The following SLCO3A1 variants were observed in gnomAD, a reference collection of about 807,000 sequenced individuals.
SLCO3A1 encodes solute carrier organic anion transporter family member 3A1.
In SLCO3A1, 27 loss-of-function variants were observed where a neutral mutation model predicts 63.1. The observed-to-expected ratio is 0.43, with a 90% CI of 0.32 to 0.59. The LOEUF (loss-of-function observed/expected upper bound fraction) is 0.59. Ranked by LOEUF, SLCO3A1 falls within the 20% of genes least tolerant of loss-of-function variation. SLCO3A1 has a pLI of 0.09. For missense variants in SLCO3A1, 773 were observed against 945.8 expected (o/e 0.82, Z 2.40); for synonymous variants, 473 against 409.9 (o/e 1.15, Z -1.86).
chr15:92,006,974 T>A (rs886314357), intron 2 of SLCO3A1, among the ~76,000 whole-genome samples: 1 of 152,242 alleles, frequency 6.6e-6, no homozygotes, highest in African/African-American at 2.4e-5. Flanking sequence ...GGCTCGTTAA[T>A]TGATAGTTTG....
intron 1 of SLCO3A1, among the ~76,000 whole-genome samples, chr15:91,867,693 C>A (rs1047465514): frequency 1.3e-5 from 2 of 152,150 alleles, no homozygotes; most frequent in Non-Finnish European, 2.9e-5. Flanking sequence ...CTCCTGTTCT[C>A]CTTGGGAAGA....
intron 2 of SLCO3A1, among the ~76,000 whole-genome samples, chr15:92,053,692 G>GTT (rs1491517930): frequency 0.026 from 754 of 28,908 alleles, 8 homozygotes; most frequent in African/African-American, 0.05. Flanking sequence ...TTGTTTGTTT[G>GTT]TTTGTTTTTT....
At chr15:92,160,344 G>A (rs1027943096) in intron 9 of SLCO3A1, among the ~76,000 whole-genome samples, 5 of 151,972 alleles carry the variant, frequency 3.3e-5, no homozygotes, top group Admixed American at 2.0e-4. Context: ...TCTATTATGC[G>A]GTTGCCATGG....
At chr15:92,170,480 G>A (rs9744294), downstream of SLCO3A1, among the ~76,000 whole-genome samples, 10 of 152,068 alleles carry the variant, frequency 6.6e-5, no homozygotes, top group East Asian at 3.9e-4. Context: ...AAATCCAACC[G>A]TTCTAAGATC....
intron 8 of SLCO3A1, among the ~76,000 whole-genome samples, 157 bp from the exon 9 acceptor site, chr15:92,150,789 GAAAA>G: frequency 7.3e-6 from 1 of 136,216 alleles, no homozygotes; most frequent in South Asian, 2.4e-4. Context: ...ACTTTAGGCA[GAAAA>G]AAAAAAAGAC....
intron 2 of SLCO3A1, among the ~76,000 whole-genome samples, chr15:91,958,367 C>T (rs1430068444): frequency 6.6e-6 from 1 of 152,160 alleles, no homozygotes; most frequent in African/African-American, 2.4e-5. Context: ...GTCTGGATCC[C>T]ACACTCACTC....
intron 2 of SLCO3A1, among the ~76,000 whole-genome samples, chr15:91,932,473 T>C (rs113446711): frequency 0.014 from 2,139 of 151,900 alleles, 48 homozygotes; most frequent in African/African-American, 0.048. Flanking sequence ...TGAGACAGGG[T>C]CTTGCTCTAT....
chr15:91,880,130 C>T (rs1178386841), intron 1 of SLCO3A1, among the ~76,000 whole-genome samples: 1 of 117,980 alleles, frequency 8.5e-6, no homozygotes, highest in Non-Finnish European at 1.7e-5. Context: ...TCCGTCCGTC[C>T]GTCCATCCAT....
chr15:92,091,897 C>CCAAA (rs2047482111), intron 2 of SLCO3A1, among the ~76,000 whole-genome samples: 1 of 152,228 alleles, frequency 6.6e-6, no homozygotes, highest in African/African-American at 2.4e-5. Context: ...AAGCCACAAT[C>CCAAA]CAAACTCTGG....
At chr15:92,011,485 AAAG>A (rs56011119) in intron 2 of SLCO3A1, among the ~76,000 whole-genome samples, 6,407 of 150,604 alleles carry the variant, frequency 0.043, 211 homozygotes, top group Non-Finnish European at 0.06. Flanking sequence ...AGTTTTAAAA[AAAG>A]ATAAAAATTT....
chr15:92,090,520 A>G (rs2047459397), intron 2 of SLCO3A1, among the ~76,000 whole-genome samples: 1 of 152,190 alleles, frequency 6.6e-6, no homozygotes, highest in African/African-American at 2.4e-5. Context: ...TCGGGCTGGC[A>G]ACCCAGTGTG....
intron 2 of SLCO3A1, among the ~76,000 whole-genome samples, chr15:92,089,008 A>ATTTT (rs563822068): frequency 0.12 from 10,555 of 90,504 alleles, 896 homozygotes; most frequent in East Asian, 0.33. Flanking sequence ...TTATTTATTT[A>ATTTT]TTATTTATTT....
chr15:91,979,955 G>GCT (rs1354346272), intron 2 of SLCO3A1, among the ~76,000 whole-genome samples: 4 of 152,182 alleles, frequency 2.6e-5, no homozygotes, highest in Admixed American at 6.5e-5. Context: ...TTGCCACTGA[G>GCT]CTTCACTTAA....
At chr15:91,970,426 T>C (rs1900816719) in intron 2 of SLCO3A1, among the ~76,000 whole-genome samples, 1 of 152,094 alleles carries the variant, frequency 6.6e-6, no homozygotes, top group Non-Finnish European at 1.5e-5. Context: ...GGGAGGTGCC[T>C]TTGGGGTGGG....
rs561697655 is a variant in SLCO3A1 at position 91,882,122 on chromosome 15, G to A, written c.180+28034G>A. 5.9e-5 allele frequency among the ~76,000 whole-genome samples: 9 copies of A among 152,252 alleles called. No individual in the cohort carries two copies. In the East Asian group the frequency reaches 1.7e-3, roughly 29 times the overall value. On this transcript the variant is annotated intron_variant, in intron 1 of 9. Transcript: ENST00000318445. The surrounding 1 kb of genome is among the most constrained non-coding windows in gnomAD (Gnocchi z 4.4). ...CCTAGAAGGGAAGCAGTGCATTCCA[G>A]GATCAGGCAGTATAAACAGTGCTTA...
In SLCO3A1 at chr15:92,033,432, C is replaced by T. The variant is rs577195622; in HGVS notation, c.647-61449C>T. Among the ~76,000 whole-genome samples the T allele has an allele frequency of 6.6e-6, 1 of 152,296 alleles. No individual in the cohort carries two copies. The highest frequency in any genetic ancestry group is 2.1e-4 in the South Asian group (1 of 4,826). The stretch of plus-strand genomic sequence containing the variant: ...TAGTGGAGAAGTAACGATGTTCACG[C>T]TTGGGCAGCTGGATGGACACGTCGT... On this transcript the variant is annotated intron_variant, in intron 2 of 9. Coordinates refer to ENST00000318445, the MANE Select transcript of SLCO3A1 (RefSeq NM_013272.4). The surrounding 1 kb of genome is among the most constrained non-coding windows in gnomAD (Gnocchi z 4.5).
chr15:92,158,397 A>G (rs2048397765), intron 9 of SLCO3A1, among the ~76,000 whole-genome samples: 1 of 152,232 alleles, frequency 6.6e-6, no homozygotes, highest in African/African-American at 2.4e-5. Context: ...TGGGTTTGGA[A>G]TTTTGAAATA....
chr15:91,881,941 G>T (rs1897599648), intron 1 of SLCO3A1, among the ~76,000 whole-genome samples: 1 of 152,004 alleles, frequency 6.6e-6, no homozygotes, highest in Non-Finnish European at 1.5e-5. Flanking sequence ...CCTCTCTTCG[G>T]GTCTCTTTTA....
At chr15:91,874,006 T>C (rs2151336748) in intron 1 of SLCO3A1, among the ~76,000 whole-genome samples, 1 of 152,296 alleles carries the variant, frequency 6.6e-6, no homozygotes, top group Middle Eastern at 3.4e-3. Flanking sequence ...TAGTCCCCCT[T>C]GCTCTTGGGG....
Sources: gnomAD v4.1 joint callset for allele counts (sites outside exome capture counted in the v4.1 genomes callset) on GRCh38, gnomAD v4.1.1 for gene constraint, Gnocchi (gnomAD v3.1) non-coding constraint, MANE v1.5 for transcripts, NCBI Gene and HGNC (gene_info 2026-07-23, HGNC 2026-07-21) for gene names.